PPP2R2B: variants seen among roughly 807,000 people sequenced by gnomAD.
PPP2R2B encodes the protein serine/threonine-protein phosphatase 2A 55 kDa regulatory subunit B beta isoform.
Under a neutral mutation model 46.0 loss-of-function variants are expected in PPP2R2B, and 5 were observed. The observed-to-expected ratio is 0.11, with a 90% confidence interval of 0.06 to 0.23. The LOEUF is 0.23. Ranked by LOEUF, PPP2R2B falls within the 10% of genes least tolerant of loss-of-function variation. The pLI is 1.00. For missense variants in PPP2R2B, 367 were observed against 575.0 expected (o/e 0.64, Z 3.70); for synonymous variants, 215 against 206.7 (o/e 1.04, Z -0.34).
intron 7 of PPP2R2B, among the ~76,000 whole-genome samples, chr5:146,637,116 T>C (rs1182461091): frequency 6.6e-6 from 1 of 152,230 alleles, no homozygotes; most frequent in African/African-American, 2.4e-5. Context: ...TCTTGCCTCA[T>C]TAGCCAAATT....
chr5:147,070,329 ACT>A (rs1757550979), intron 2 of PPP2R2B, among the ~76,000 whole-genome samples: 3 of 152,262 alleles, frequency 2.0e-5, no homozygotes, highest in African/African-American at 7.2e-5. Flanking sequence ...TTATTTATAC[ACT>A]CTTTTTTAAA....
intron 3 of PPP2R2B, 59 bp downstream of exon 3, chr5:146,700,986 G>A (rs1019946745): frequency 1.5e-5 from 22 of 1,427,030 alleles, no homozygotes; most frequent in Middle Eastern, 3.5e-4. Context: ...TTAAGGAACA[G>A]TAGGAGGCCT....
At chr5:146,902,456 C>G (rs545060905) in intron 1 of PPP2R2B, among the ~76,000 whole-genome samples, 1 of 152,132 alleles carries the variant, frequency 6.6e-6, no homozygotes. Flanking sequence ...ATTATTACAA[C>G]TACTTCTAAT....
intron 1 of PPP2R2B, among the ~76,000 whole-genome samples, chr5:147,038,127 A>G (rs548949528): frequency 6.6e-6 from 1 of 152,272 alleles, no homozygotes; most frequent in African/African-American, 2.4e-5. Flanking sequence ...TTAGGGGTTT[A>G]TAGAGACATA....
At chr5:146,606,631 C>G (rs1207410866) in intron 7 of PPP2R2B, among the ~76,000 whole-genome samples, 1 of 152,200 alleles carries the variant, frequency 6.6e-6, no homozygotes, top group Admixed American at 6.5e-5. Flanking sequence ...TTAAGGCAAG[C>G]TTGGTGTGCA....
At chr5:146,861,539 C>G (rs190937400) in intron 2 of PPP2R2B, among the ~76,000 whole-genome samples, 1 of 152,320 alleles carries the variant, frequency 6.6e-6, no homozygotes, top group Non-Finnish European at 1.5e-5. Context: ...GGTGAATATT[C>G]GCTACATTAA....
At chr5:146,972,678 C>T (rs1410640672) in intron 1 of PPP2R2B, among the ~76,000 whole-genome samples, 1 of 152,124 alleles carries the variant, frequency 6.6e-6, no homozygotes, top group Non-Finnish European at 1.5e-5. Context: ...TGCCATTGTA[C>T]TCCAGCCTAG....
chr5:146,718,907 A>G (rs2151191178), intron 2 of PPP2R2B, among the ~76,000 whole-genome samples: 1 of 152,310 alleles, frequency 6.6e-6, no homozygotes, highest in South Asian at 2.1e-4. Flanking sequence ...GAATTAGCAA[A>G]GTGATGCAGT....
At position 146,701,055 on chromosome 5, in the gene PPP2R2B, C is replaced by T. The variant is rs376773964; in HGVS notation, c.158G>A (p.Arg53Gln). ...DKGGRVVIFQ[R>Q]EQESKNQVHR... ...TTCACCACCACTTACCTCCTGCTCT[C>T]GTTGAAATATTACAACCCGACCCCC... Residue 53 changes from arginine (R) to glutamine (Q), a missense_variant, in exon 3 of 10, where the codon CGA (arginine) becomes CAA (glutamine). Transcript: ENST00000394411. 3.2e-5 allele frequency: 52 copies of T among 1,611,598 alleles called. No individual in the cohort carries two copies. The highest frequency in any genetic ancestry group is 9.9e-5 in the South Asian group (9 of 91,038).
In PPP2R2B at chr5:146,864,396, C is replaced by CAAA. The variant is rs34780019; in HGVS notation, c.70+13603_70+13605dup. On this transcript the variant is annotated intron_variant, in intron 2 of 9. Coordinates refer to ENST00000394411, the MANE Select transcript of PPP2R2B (RefSeq NM_181675.4). ...TCATTCAACCACACATAGTATTAACCAAAAAAAAAAAAAAAAAAAAAAAAA... is the reference window on the plus strand; with the variant it reads ...TCATTCAACCACACATAGTATTAACCAAAAAAAAAAAAAAAAAAAAAAAAAAAA... Among the ~76,000 whole-genome samples, 45 of 31,320 alleles carry CAAA rather than the reference C, an allele frequency of 1.4e-3. 2 individuals are homozygous for CAAA. The highest frequency in any genetic ancestry group is 1.9e-3 in the Non-Finnish European group (31 of 15,952). 20.5% of individuals were successfully genotyped at this position (31,320 alleles called of 152,430 possible).
At position 147,014,906 on chromosome 5, in the gene PPP2R2B, T is replaced by TA. The variant is rs926102273; in HGVS notation, c.79+40758dup. Among the ~76,000 whole-genome samples, 43 of 150,756 alleles carry TA rather than the reference T, an allele frequency of 2.9e-4. No homozygotes were observed. In the South Asian group the frequency reaches 4.6e-3, roughly 16 times the overall value. On this transcript the variant is annotated intron_variant, in intron 1 of 8. Coordinates refer to the PPP2R2B transcript ENST00000336640. ...ATAATAAAAAATAAAAATTAAAAAATAAAAAAAAATGAATTTCATAGACTG... is the reference window on the plus strand; with the variant it reads ...ATAATAAAAAATAAAAATTAAAAAATAAAAAAAAAATGAATTTCATAGACTG...
At chr5:146,692,790 T>G (rs1778941631) in intron 4 of PPP2R2B, among the ~76,000 whole-genome samples, 1 of 152,134 alleles carries the variant, frequency 6.6e-6, no homozygotes, top group Admixed American at 6.5e-5. Context: ...TGCCTCGGTC[T>G]CCCAAAGTGC....
chr5:146,630,068 G>A (rs986264712), intron 7 of PPP2R2B, among the ~76,000 whole-genome samples: 3 of 152,146 alleles, frequency 2.0e-5, no homozygotes, highest in African/African-American at 7.2e-5. Flanking sequence ...ACCTGCCTCA[G>A]CCTCCCAAAG....
intron 2 of PPP2R2B, among the ~76,000 whole-genome samples, chr5:146,812,890 C>G (rs913757050): frequency 7.6e-6 from 1 of 131,238 alleles, no homozygotes; most frequent in Admixed American, 8.6e-5. Flanking sequence ...ACCATGAGAA[C>G]AGTATGGGGA....
Position 147,055,483 on chromosome 5 carries a change from C to T in PPP2R2B, c.79+182G>A, listed in dbSNP as rs191125089. 3.9e-5 allele frequency among the ~76,000 whole-genome samples: 6 copies of T among 152,316 alleles called. No homozygotes were observed. The East Asian group carries it at 1.2e-3, about 29-fold the overall frequency. ...TTATTCTGTTCTTCAGAAAACACTTCCCTTTCCTTGTACAAGACAGACTGA... is the reference window on the plus strand; with the variant it reads ...TTATTCTGTTCTTCAGAAAACACTTTCCTTTCCTTGTACAAGACAGACTGA... On this transcript the variant is annotated intron_variant, in intron 1 of 8. Coordinates refer to the PPP2R2B transcript ENST00000336640.
intron 1 of PPP2R2B, among the ~76,000 whole-genome samples, chr5:147,024,678 C>T (rs1177753138): frequency 2.6e-5 from 4 of 151,940 alleles, no homozygotes; most frequent in African/African-American, 7.2e-5. Context: ...GCTGGAATGT[C>T]CTCCAACATT....
intron 3 of PPP2R2B, 75 bp from the exon 4 acceptor site, chr5:146,698,219 T>C (rs761963360): frequency 3.7e-6 from 5 of 1,348,278 alleles, no homozygotes; most frequent in Non-Finnish European, 4.9e-6. Flanking sequence ...CTCCCTTTTT[T>C]TTCCAGCAGT....
intron 2 of PPP2R2B, among the ~76,000 whole-genome samples, chr5:147,070,970 C>A (rs1561612529): frequency 6.6e-6 from 1 of 151,888 alleles, no homozygotes; most frequent in Admixed American, 6.6e-5. Context: ...AGCCTGGCGA[C>A]AGAGCGAGAC....
At chr5:146,981,927 C>T (rs1233885503) in intron 1 of PPP2R2B, among the ~76,000 whole-genome samples, 3 of 152,132 alleles carry the variant, frequency 2.0e-5, no homozygotes, top group Non-Finnish European at 4.4e-5. Context: ...GAAGTCAAAC[C>T]CTAACCTCTG....
Sources: gnomAD v4.1 joint callset for allele counts (sites outside exome capture counted in the v4.1 genomes callset) on GRCh38, gnomAD v4.1.1 for gene constraint, MANE v1.5 for transcripts, NCBI Gene and HGNC (gene_info 2026-07-23, HGNC 2026-07-21) for gene names.